GPER1: variants seen among roughly 807,000 people sequenced by gnomAD.
GPER1 encodes G protein-coupled estrogen receptor 1, also known as G protein-coupled receptor 30.
In GPER1, 2 loss-of-function variants were observed where a neutral mutation model predicts 0.6. The ratio of observed to expected loss-of-function variants is 3.41; its 90% CI spans 1.39 to 10.72. GPER1 has a LOEUF of 10.72. GPER1 is among the 30% of genes most tolerant of loss of function. The pLI is 0.04. For synonymous variants in GPER1, 263 were observed against 247.6 expected (o/e 1.06, Z -0.58); for missense variants, 441 against 535.2 (o/e 0.82, Z 1.74).
Position 1,092,579 on chromosome 7 carries a change from T to C in GPER1, c.851T>C (p.Leu284Pro). 2 of 1,611,168 alleles carry C rather than the reference T, an allele frequency of 1.2e-6. No homozygotes were observed. The highest frequency in any genetic ancestry group is 1.7e-6 in the Non-Finnish European group (2 of 1,180,022). The change falls in exon 2 of 2, where the codon CTG becomes CCG. Residue 284 changes from leucine to proline, a missense_variant. Leu to Pro is a moderately conservative substitution (Grantham distance 98). Coordinates refer to ENST00000397088, the MANE Select transcript of GPER1 (RefSeq NM_001098201.3). ...PENVFISVHL[L>P]QRTQPGAAPC... ...AACGTCTTCATCAGCGTGCACCTCC[T>C]GCAGCGGACGCAGCCTGGGGCCGCT...
Position 1,092,692 on chromosome 7 carries a change from C to T in GPER1, c.964C>T (p.Leu322Phe), listed in dbSNP as rs190131612. The T allele has an allele frequency of 2.3e-5, 37 of 1,613,524 alleles. No individual in the cohort carries two copies. The East Asian group carries it at 4.9e-4, about 21-fold the overall frequency. ...CTTCTCCAACAGCTGCCTAAACCCC[C>T]TCATCTACAGCTTTCTCGGGGAGAC... ...AAFSNSCLNP[L>F]IYSFLGETFR... The change falls in exon 2 of 2, where the codon CTC becomes TTC. Residue 322 changes from leucine (L) to phenylalanine (F), a missense_variant. Leu to Phe is a conservative substitution (Grantham distance 22). Coordinates refer to ENST00000397088, the MANE Select transcript of GPER1 (RefSeq NM_001098201.3).
intron 1 of GPER1, among the ~76,000 whole-genome samples, chr7:1,090,910 G>A (rs1463886672): frequency 1.3e-5 from 2 of 152,162 alleles, no homozygotes; most frequent in Non-Finnish European, 2.9e-5. Context: ...TGAGGAAACC[G>A]CTGAACTTCT....
rs754374497 is a variant in GPER1 at position 1,093,087 on chromosome 7, C to G, written c.*231C>G. 2.9e-6 allele frequency: 2 copies of G among 680,432 alleles called. No homozygotes were observed. Among genetic ancestry groups the G allele is most frequent in the Non-Finnish European group, 5.5e-6 (2 of 365,392 alleles). 42.1% of individuals were successfully genotyped at this position (680,432 alleles called of 1,614,324 possible). On this transcript the variant is annotated 3_prime_UTR_variant, in exon 2 of 2. Coordinates refer to ENST00000397088, the MANE Select transcript of GPER1 (RefSeq NM_001098201.3). ...AGAATTGCTACAATCCCAAAGCGCTCGCCCCGCAGGGTCCAAAGGCCAGCG... is the reference window on the plus strand; with the variant it reads ...AGAATTGCTACAATCCCAAAGCGCTGGCCCCGCAGGGTCCAAAGGCCAGCG...
rs1431812587 is a variant in GPER1, at chr7:1,091,976, T to C, written c.248T>C (p.Val83Ala). 1 of 1,614,106 alleles carries C rather than the reference T, an allele frequency of 6.2e-7. No homozygotes were observed. The highest frequency in any genetic ancestry group is 8.5e-7 in the Non-Finnish European group (1 of 1,180,028). The change falls in exon 2 of 2, where the codon GTG becomes GCG. Residue 83 changes from valine to alanine, a missense_variant. By Grantham distance (64) the Val-to-Ala change is moderately conservative. Transcript: ENST00000397088. ...GTGGGCAACATCCTGATCCTGGTGG[T>C]GAACATCAGCTTCCGCGAGAAGATG... ...GFVGNILILV[V>A]NISFREKMTI...
rs994239420 is a variant in GPER1, at chr7:1,093,668, C to T, written c.*812C>T. ...GCCAGGACAATGAAATACTCCAGCACCTGTGGCTGACGAATTTGTTTCTAC... is the reference window on the plus strand; with the variant it reads ...GCCAGGACAATGAAATACTCCAGCATCTGTGGCTGACGAATTTGTTTCTAC... On this transcript the variant is annotated 3_prime_UTR_variant, in exon 2 of 2. Coordinates refer to ENST00000397088, the MANE Select transcript of GPER1 (RefSeq NM_001098201.3). 2.1e-6 allele frequency: 1 copy of T among 470,692 alleles called. No individual in the cohort carries two copies. The highest frequency in any genetic ancestry group is 4.4e-6 in the Non-Finnish European group (1 of 226,632). The allele number at this position is 470,692 out of a possible 1,614,324, so 29.2% of individuals were successfully genotyped here.
At chr7:1,090,275 C>A (rs1394758420) in intron 1 of GPER1, among the ~76,000 whole-genome samples, 1 of 152,188 alleles carries the variant, frequency 6.6e-6, no homozygotes, top group Non-Finnish European at 1.5e-5. Flanking sequence ...CCCACCAGCA[C>A]CCCCCTGTGA....
chr7:1,091,795 GC>G lies in GPER1; in HGVS notation c.72del (p.Asn25ThrfsTer32). On this transcript the variant is annotated frameshift_variant, in exon 2 of 2. Coordinates refer to ENST00000397088, the MANE Select transcript of GPER1 (RefSeq NM_001098201.3). LOFTEE classifies it low-confidence loss of function (END_TRUNC). Reference sequence around the variant, plus strand: ...GTACCCAGGCACCGCGCAGCCTGCGGCCCCCAACACCACCTCCCCCGAGCTC... The same window carrying G: ...GTACCCAGGCACCGCGCAGCCTGCGGCCCCAACACCACCTCCCCCGAGCTC... ...EMYPGTAQPA[A>X]PNTTSPELNL... The G allele has an allele frequency of 3.1e-6, 5 of 1,591,884 alleles. No individual in the cohort carries two copies. The highest frequency in any genetic ancestry group is 4.3e-6 in the Non-Finnish European group (5 of 1,165,478).
Position 1,092,651 on chromosome 7 carries a change from T to A in GPER1, c.923T>A (p.Ile308Asn), listed in dbSNP as rs1237325235. The change falls in exon 2 of 2, where the codon ATT becomes AAT. Residue 308 changes from isoleucine (I) to asparagine (N), a missense_variant. Physicochemically the swap from Ile to Asn is moderately radical, Grantham distance 149 (BLOSUM62 -3). Transcript: ENST00000397088. Reference protein sequence around the residue: ...FRHAHPLTGHIVNLAAFSNSC... With the variant: ...FRHAHPLTGHNVNLAAFSNSC... ...CATGCCCACCCCCTCACGGGCCACATTGTCAACCTCGCCGCCTTCTCCAAC... is the reference window on the plus strand; with the variant it reads ...CATGCCCACCCCCTCACGGGCCACAATGTCAACCTCGCCGCCTTCTCCAAC... 11 of 1,612,970 alleles carry A rather than the reference T, an allele frequency of 6.8e-6. No homozygotes were observed. The highest frequency in any genetic ancestry group is 9.3e-6 in the Non-Finnish European group (11 of 1,179,982).
At position 1,093,724 on chromosome 7, in the gene GPER1, T is replaced by C. The variant is rs758078888; in HGVS notation, c.*868T>C. 1.5e-5 allele frequency: 7 copies of C among 464,910 alleles called. No individual in the cohort carries two copies. The highest frequency in any genetic ancestry group is 4.7e-5 in the Admixed American group (2 of 42,378). The allele number at this position is 464,910 out of a possible 1,614,324, so 28.8% of individuals were successfully genotyped here. A position where few individuals can be genotyped will look rare whatever the true frequency, so the allele number is the denominator to read the frequency against. On this transcript the variant is annotated 3_prime_UTR_variant, in exon 2 of 2. Transcript: ENST00000397088. ...TAACAGCTGGGGACAACTGCGGTGA[T>C]GATGTAAAAACCTTCCCATAAAATG... is the stretch of plus-strand genomic sequence containing the variant.
At position 1,092,247 on chromosome 7, in the gene GPER1, C is replaced by T. The variant is rs370862534; in HGVS notation, c.519C>T (p.His173=). ...GCAGCCTGTTCCGCACCAAGCACCACGCCCGGCTGAGCTGTGGCCTCATCT... is the reference window on the plus strand; with the variant it reads ...GCAGCCTGTTCCGCACCAAGCACCATGCCCGGCTGAGCTGTGGCCTCATCT... The part of the protein sequence containing the change: ...MRCSLFRTKH[H]ARLSCGLIWM... The change falls in exon 2 of 2, where the codon CAC becomes CAT. Residue 173 remains histidine, a synonymous_variant. Coordinates refer to ENST00000397088, the MANE Select transcript of GPER1 (RefSeq NM_001098201.3). 2.2e-5 allele frequency: 36 copies of T among 1,612,480 alleles called. No homozygotes were observed. Among genetic ancestry groups the T allele is most frequent in the Admixed American group, 5.0e-5 (3 of 60,034 alleles).
rs1159020305 is a variant in GPER1, at chr7:1,093,289, C to G, written c.*433C>G. The G allele has an allele frequency of 2.3e-6, 1 of 431,858 alleles. No individual in the cohort carries two copies. The highest frequency in any genetic ancestry group is 4.9e-6 in the Non-Finnish European group (1 of 206,116). 26.8% of individuals were successfully genotyped at this position (431,858 alleles called of 1,614,324 possible). ...AAGCAAATCTGCCACCGTGGGGGAA[C>G]TGACGCTGGAGATGCAAGGTGCTGG... On this transcript the variant is annotated 3_prime_UTR_variant, in exon 2 of 2. Transcript: ENST00000397088.
intron 1 of GPER1, among the ~76,000 whole-genome samples, chr7:1,089,881 G>T (rs59926674): frequency 6.6e-6 from 1 of 151,748 alleles, no homozygotes; most frequent in Admixed American, 6.6e-5. Flanking sequence ...TCAGAAGTTC[G>T]ATACAAGCCT....
intron 1 of GPER1, among the ~76,000 whole-genome samples, chr7:1,090,511 C>T (rs932883571): frequency 2.0e-5 from 3 of 151,936 alleles, no homozygotes; most frequent in South Asian, 2.1e-4. Context: ...GCGGCAGAGC[C>T]GGGGTGACAC....
Position 1,092,888 on chromosome 7 carries a change from G to T in GPER1, c.*32G>T, listed in dbSNP as rs759274564. On this transcript the variant is annotated 3_prime_UTR_variant, in exon 2 of 2. Coordinates refer to ENST00000397088, the MANE Select transcript of GPER1 (RefSeq NM_001098201.3). ...TTGGCCGCATAGGCCCAGCCAGGGT[G>T]TGACTCGGGAGCTGCACACACCTGG... 1 of 1,596,058 alleles carries T rather than the reference G, an allele frequency of 6.3e-7. No individual in the cohort carries two copies. Among genetic ancestry groups the T allele is most frequent in the Non-Finnish European group, 8.6e-7 (1 of 1,167,160 alleles).
chr7:1,089,361 C>T (rs1358938217), intron 1 of GPER1, among the ~76,000 whole-genome samples: 2 of 152,186 alleles, frequency 1.3e-5, no homozygotes, highest in Admixed American at 1.3e-4. Context: ...GTCTTCCCCA[C>T]CCGCCTGTTT....
intron 1 of GPER1, among the ~76,000 whole-genome samples, chr7:1,089,437 G>A (rs544810445): frequency 1.9e-4 from 28 of 150,936 alleles, no homozygotes; most frequent in East Asian, 7.8e-4. Flanking sequence ...GCTGAGGCTC[G>A]AGTGCAGTGG....
At chr7:1,089,406 G>C (rs1037986080) in intron 1 of GPER1, among the ~76,000 whole-genome samples, 3 of 138,738 alleles carry the variant, frequency 2.2e-5, no homozygotes, top group Middle Eastern at 7.2e-3. Context: ...GCTCAGGCTC[G>C]AGTGCAGTGG....
In GPER1 at chr7:1,091,573, A is replaced by G; in HGVS notation, c.-156A>G. 3 of 668,080 alleles carry G rather than the reference A, an allele frequency of 4.5e-6. No individual in the cohort carries two copies. The allele number at this position is 668,080 out of a possible 1,614,324, so 41.4% of individuals were successfully genotyped here. ...CTCTGCAGTTAACAAACCCAACCCA[A>G]ACCACCACAGGTGCTCCTCCTGGGG... On this transcript the variant is annotated 5_prime_UTR_variant, in exon 2 of 2. Transcript: ENST00000397088.
Position 1,093,800 on chromosome 7 carries a change from T to C in GPER1, c.*944T>C. 2.4e-6 allele frequency: 1 copy of C among 412,276 alleles called. No individual in the cohort carries two copies. The highest frequency in any genetic ancestry group is 5.1e-6 in the Non-Finnish European group (1 of 194,548). The allele number at this position is 412,276 out of a possible 1,614,324, so 25.5% of individuals were successfully genotyped here. On this transcript the variant is annotated 3_prime_UTR_variant, in exon 2 of 2. Coordinates refer to ENST00000397088, the MANE Select transcript of GPER1 (RefSeq NM_001098201.3). ...CGTTCAGCCTTTGTCAATAAACCTG[T>C]CATGTGCGGATCCTTCCGGAGGCTC...
Sources: allele counts gnomAD v4.1 joint callset (sites outside exome capture counted in the v4.1 genomes callset), GRCh38; gene constraint gnomAD v4.1.1; transcripts MANE v1.5; gene names NCBI Gene and HGNC (gene_info 2026-07-23, HGNC 2026-07-21).